The following WDR43 variants were observed in gnomAD, a reference collection of about 807,000 sequenced individuals.
WDR43 encodes the protein WD repeat-containing protein 43.
Under a neutral mutation model 91.4 loss-of-function variants are expected in WDR43, and 13 were observed. The ratio of observed to expected loss-of-function variants is 0.14; its 90% CI spans 0.09 to 0.23. WDR43 has a LOEUF of 0.23. Ranked by LOEUF, WDR43 falls within the 10% of genes least tolerant of loss-of-function variation. The pLI is 1.00. For synonymous variants in WDR43, 331 were observed against 287.9 expected (o/e 1.15, Z -1.51); for missense variants, 780 against 809.4 (o/e 0.96, Z 0.44).
At chr2:28,922,378 C>T (rs548321582) in intron 6 of WDR43, among the ~76,000 whole-genome samples, 2 of 152,282 alleles carry the variant, frequency 1.3e-5, no homozygotes, top group South Asian at 4.1e-4. Flanking sequence ...GAGAGGCTGA[C>T]AGCAAGAGTC....
intron 14 of WDR43, among the ~76,000 whole-genome samples, chr2:28,938,868 C>T (rs1264394348): frequency 6.6e-6 from 1 of 152,128 alleles, no homozygotes; most frequent in Non-Finnish European, 1.5e-5. Flanking sequence ...GTGTCCCAGC[C>T]TGTAGGAGGC....
At chr2:28,920,581 A>T (rs1671005243) in intron 6 of WDR43, among the ~76,000 whole-genome samples, 1 of 152,124 alleles carries the variant, frequency 6.6e-6, no homozygotes, top group South Asian at 2.1e-4. Flanking sequence ...TAGGTTCTTT[A>T]AGTCTAAATA....
At chr2:28,911,165 T>C (rs1025459870) in intron 3 of WDR43, among the ~76,000 whole-genome samples, 1 of 152,174 alleles carries the variant, frequency 6.6e-6, no homozygotes, top group African/African-American at 2.4e-5. Flanking sequence ...TTTAAATACT[T>C]TTAAATTTAA....
At chr2:28,910,678 A>AATATATATATATATATATAT (rs71403628) in intron 3 of WDR43, among the ~76,000 whole-genome samples, 179 of 142,622 alleles carry the variant, frequency 1.3e-3, no homozygotes, top group East Asian at 0.011. Context: ...TGTGTGTGTA[A>AATATATATATATATATATAT]ATATATATAT....
intron 6 of WDR43, among the ~76,000 whole-genome samples, chr2:28,922,619 A>AT (rs1671054033): frequency 2.0e-5 from 3 of 152,188 alleles, no homozygotes; most frequent in African/African-American, 7.2e-5. Context: ...CAAGAGGGGC[A>AT]TGTCAGCTCC....
At chr2:28,935,839 T>C in intron 12 of WDR43, 1 of 304,924 alleles carries the variant, frequency 3.3e-6, no homozygotes. Context: ...CTAATGGCTA[T>C]TGTGTGTCTG....
chr2:28,908,511 C>T (rs757609990), intron 3 of WDR43, among the ~76,000 whole-genome samples: 2 of 152,140 alleles, frequency 1.3e-5, no homozygotes. Flanking sequence ...GATGAGAGGT[C>T]ACAAAGATAG....
rs186115352 is a variant in WDR43, at chr2:28,913,066, G to C, written c.606+356G>C. Among the ~76,000 whole-genome samples, 651 of 146,340 alleles carry C rather than the reference G, an allele frequency of 4.4e-3. 5 individuals are homozygous for C. Among genetic ancestry groups the C allele is most frequent in the African/African-American group, 0.014 (552 of 39,220 alleles). On this transcript the variant is annotated intron_variant, in intron 4 of 17. Coordinates refer to ENST00000407426, the MANE Select transcript of WDR43 (RefSeq NM_015131.3). ...CTCCCAGGTTCACCGCCATTCTCCTGCCTCAGCCTCCCGAGTAGCTGGGAC... is the reference window on the plus strand; with the variant it reads ...CTCCCAGGTTCACCGCCATTCTCCTCCCTCAGCCTCCCGAGTAGCTGGGAC...
chr2:28,939,322 T>C (rs1261111611), intron 14 of WDR43, among the ~76,000 whole-genome samples: 1 of 152,188 alleles, frequency 6.6e-6, no homozygotes, highest in African/African-American at 2.4e-5. Context: ...GCAACACTAA[T>C]GTGGCCTCAG....
At chr2:28,912,521 G>T in intron 3 of WDR43, 69 bp from the exon 4 acceptor site, 1 of 1,550,846 alleles carries the variant, frequency 6.4e-7, no homozygotes, top group Admixed American at 2.0e-5. Context: ...TTGTTTTTTT[G>T]TTATTTTCTG....
At chr2:28,919,899 G>C (rs1180048532) in intron 6 of WDR43, among the ~76,000 whole-genome samples, 2 of 151,930 alleles carry the variant, frequency 1.3e-5, no homozygotes, top group East Asian at 1.9e-4. Context: ...GGAGTGCAGT[G>C]GTGCAGTCTT....
At chr2:28,938,502 A>G (rs2148198338) in intron 14 of WDR43, among the ~76,000 whole-genome samples, 1 of 152,326 alleles carries the variant, frequency 6.6e-6, no homozygotes, top group Non-Finnish European at 1.5e-5. Context: ...AATTGTATTC[A>G]TAATATGAGT....
At chr2:28,898,742 G>A (rs992382816) in intron 1 of WDR43, among the ~76,000 whole-genome samples, 4 of 151,962 alleles carry the variant, frequency 2.6e-5, no homozygotes, top group Admixed American at 6.6e-5. Context: ...ACTACTAGCC[G>A]TGGGAAGTTT....
At chr2:28,941,609 T>A in intron 15 of WDR43, 35 bp downstream of exon 15, 2 of 1,506,430 alleles carry the variant, frequency 1.3e-6, no homozygotes, top group Non-Finnish European at 1.8e-6. Context: ...CTAAAACTTT[T>A]GGACATGGTA....
intron 6 of WDR43, among the ~76,000 whole-genome samples, chr2:28,918,315 A>T (rs1382195368): frequency 3.8e-5 from 5 of 130,016 alleles, no homozygotes; most frequent in Admixed American, 8.1e-5. Flanking sequence ...GATAGCTCCT[A>T]ACTAAGGTGT....
chr2:28,913,606 T>A, intron 4 of WDR43: 1 of 514,576 alleles, frequency 1.9e-6, no homozygotes, highest in Non-Finnish European at 3.9e-6. Flanking sequence ...CTGTGGAGAT[T>A]TAGTATTATA....
At chr2:28,940,440 G>C (rs1451987934) in intron 14 of WDR43, among the ~76,000 whole-genome samples, 1 of 152,068 alleles carries the variant, frequency 6.6e-6, no homozygotes, top group East Asian at 1.9e-4. Flanking sequence ...ATGTTGGTCA[G>C]GCTGGTCTTG....
chr2:28,918,082 GAAAT>G, intron 6 of WDR43, 87 bp downstream of exon 6: 1 of 1,165,164 alleles, frequency 8.6e-7, no homozygotes. Flanking sequence ...AATGACTTGA[GAAAT>G]AGAGAGGACC....
chr2:28,922,712 T>G (rs1671056093), intron 6 of WDR43, among the ~76,000 whole-genome samples: 1 of 152,118 alleles, frequency 6.6e-6, no homozygotes, highest in Non-Finnish European at 1.5e-5. Context: ...TCTTCTTGGC[T>G]TAAACATTTA....
Sources: gnomAD v4.1 joint callset for allele counts (sites outside exome capture counted in the v4.1 genomes callset) on GRCh38, gnomAD v4.1.1 for gene constraint, MANE v1.5 for transcripts, NCBI Gene and HGNC (gene_info 2026-07-23, HGNC 2026-07-21) for gene names.